The following NINL variants were observed in gnomAD, a reference collection of about 807,000 sequenced individuals.
NINL encodes the protein ninein-like protein.
In NINL, 153 loss-of-function variants were observed where a neutral mutation model predicts 160.3. The ratio of observed to expected loss-of-function variants is 0.95; its 90% CI spans 0.84 to 1.09. The LOEUF (loss-of-function observed/expected upper bound fraction) is 1.09, where lower values mean the gene tolerates loss of function less well. Among genes scored for constraint, NINL ranks in the 50% least tolerant of loss-of-function variants. NINL has a pLI of 0.00. For synonymous variants in NINL, 800 were observed against 734.8 expected (o/e 1.09, Z -1.43); for missense variants, 1,829 against 1,764.0 (o/e 1.04, Z -0.66).
rs1474534154 is a variant in NINL, at chr20:25,570,700, T to A, written c.-12+14755A>T. ...GAGATCCTGGGCAAGTAGACTTTTT[T>A]TTTTTTTTTTTTTTTTTTGAGAAGG... On this transcript the variant is annotated intron_variant, in intron 1 of 23. Coordinates refer to ENST00000278886, the MANE Select transcript of NINL (RefSeq NM_025176.6). Among the ~76,000 whole-genome samples, 5 of 115,506 alleles carry A rather than the reference T, an allele frequency of 4.3e-5. 1 individual carries two copies. The highest frequency in any genetic ancestry group is 1.7e-4 in the African/African-American group (4 of 24,004). 75.8% of individuals were successfully genotyped at this position (115,506 alleles called of 152,430 possible). A position where few individuals can be genotyped will look rare whatever the true frequency, so the allele number is the denominator to read the frequency against.
At chr20:25,541,429 G>T (rs1401883988) in intron 1 of NINL, among the ~76,000 whole-genome samples, 1 of 152,132 alleles carries the variant, frequency 6.6e-6, no homozygotes, top group African/African-American at 2.4e-5. Context: ...CTACAAGCTG[G>T]GTGGGCATTT....
intron 4 of NINL, among the ~76,000 whole-genome samples, chr20:25,512,269 C>A (rs1393224933): frequency 1.3e-5 from 2 of 152,204 alleles, no homozygotes; most frequent in Non-Finnish European, 2.9e-5. Flanking sequence ...GGAGTTGACA[C>A]ACTCACACTC....
intron 1 of NINL, among the ~76,000 whole-genome samples, chr20:25,530,126 C>T (rs2064431209): frequency 6.6e-6 from 1 of 152,124 alleles, no homozygotes; most frequent in Admixed American, 6.5e-5. Context: ...AAATAAAGAA[C>T]ATAAAATAAG....
rs559939857 is a variant in NINL at position 25,464,153 on chromosome 20, A to G, written c.3424-1612T>C. On this transcript the variant is annotated intron_variant, in intron 19 of 23. Coordinates refer to ENST00000278886, the MANE Select transcript of NINL (RefSeq NM_025176.6). ...ATTTGGTGGCTGGGCGTGGTGGCTC[A>G]TGCCTGTAATACCAGTGCTTTGGGA... Among the ~76,000 whole-genome samples, 265 of 152,328 alleles carry G rather than the reference A, an allele frequency of 1.7e-3. 1 individual carries two copies. Among genetic ancestry groups the G allele is most frequent in the Non-Finnish European group, 3.2e-3 (215 of 68,038 alleles).
chr20:25,454,011 C>T (rs2090604836), intron 23 of NINL, among the ~76,000 whole-genome samples: 3 of 151,968 alleles, frequency 2.0e-5, no homozygotes, highest in Non-Finnish European at 4.4e-5. Context: ...GAGATCGCAC[C>T]ACTGCACTCC....
intron 15 of NINL, 54 bp from the exon 16 acceptor site, chr20:25,479,260 C>A: frequency 6.5e-7 from 1 of 1,540,006 alleles, no homozygotes; most frequent in Non-Finnish European, 8.8e-7. Flanking sequence ...AATGATCTTG[C>A]TGCTGACGTA....
At chr20:25,515,064 G>T (rs1293526597) in intron 3 of NINL, among the ~76,000 whole-genome samples, 2 of 152,162 alleles carry the variant, frequency 1.3e-5, no homozygotes, top group Admixed American at 6.5e-5. Flanking sequence ...TGAGAAAAGG[G>T]TCACTGTCCT....
At chr20:25,549,656 T>C (rs2064783278) in intron 1 of NINL, among the ~76,000 whole-genome samples, 1 of 152,180 alleles carries the variant, frequency 6.6e-6, no homozygotes, top group African/African-American at 2.4e-5. Context: ...ACTAAATCAA[T>C]GTCGTGGCCT....
chr20:25,473,378 G>A (rs1031664100), intron 17 of NINL, among the ~76,000 whole-genome samples: 5 of 151,672 alleles, frequency 3.3e-5, no homozygotes, highest in African/African-American at 1.2e-4. Context: ...CACTTTGGGA[G>A]GCTGAGGCAG....
intron 10 of NINL, 119 bp downstream of exon 10, chr20:25,496,544 G>A (rs1360166885): frequency 2.3e-5 from 28 of 1,207,274 alleles, no homozygotes; most frequent in Non-Finnish European, 3.2e-5. Context: ...GTGAAATAGG[G>A]GGGTCTCCAC....
At chr20:25,538,011 G>T (rs1346760185) in intron 1 of NINL, among the ~76,000 whole-genome samples, 1 of 152,162 alleles carries the variant, frequency 6.6e-6, no homozygotes, top group Non-Finnish European at 1.5e-5. Context: ...ACGGTGCCCT[G>T]CCCAGGCTGG....
In NINL at chr20:25,461,635, T is replaced by C; in HGVS notation, c.3583A>G (p.Ser1195Gly). ...ACTCTAAGTTTTTGGATTTGGTCAC[T>C]CTGTTTTTAAAAAATCAATTGCACA... Reference protein sequence around the residue: ...EEVVRSGQQQSDQIQKLRVEL... With the variant: ...EEVVRSGQQQGDQIQKLRVEL... The change falls in exon 21 of 24, where the codon AGT becomes GGT. Residue 1195 changes from serine (S) to glycine (G), a missense_variant and splice_region_variant. By Grantham distance (56) the Ser-to-Gly change is moderately conservative (BLOSUM62 0). Transcript: ENST00000278886. 1 of 1,602,286 alleles carries C rather than the reference T, an allele frequency of 6.2e-7. No homozygotes were observed. The highest frequency in any genetic ancestry group is 8.5e-7 in the Non-Finnish European group (1 of 1,169,994).
chr20:25,577,924 G>A (rs993340606), intron 1 of NINL, among the ~76,000 whole-genome samples: 12 of 149,796 alleles, frequency 8.0e-5, no homozygotes, highest in African/African-American at 2.7e-4. Flanking sequence ...TCTCCACCTC[G>A]CAGGTTCAAG....
intron 19 of NINL, among the ~76,000 whole-genome samples, chr20:25,464,464 T>C (rs60375291): frequency 1.3e-5 from 2 of 152,184 alleles, no homozygotes; most frequent in African/African-American, 4.8e-5. Flanking sequence ...AACTCTTCAT[T>C]TGGAAATAAT....
intron 3 of NINL, among the ~76,000 whole-genome samples, chr20:25,517,047 C>T (rs1313689230): frequency 3.3e-5 from 5 of 152,028 alleles, no homozygotes; most frequent in African/African-American, 9.7e-5. Context: ...TCTTTGTAAA[C>T]GTACACAAAG....
intron 5 of NINL, among the ~76,000 whole-genome samples, chr20:25,506,282 C>T (rs2063961140): frequency 6.6e-6 from 1 of 152,092 alleles, no homozygotes. Context: ...AGGGTGAGGG[C>T]TCTATTATTT....
chr20:25,503,759 A>T (rs1376428763), intron 7 of NINL, among the ~76,000 whole-genome samples, 193 bp downstream of exon 7: 1 of 152,174 alleles, frequency 6.6e-6, no homozygotes, highest in Admixed American at 6.5e-5. Context: ...GCAACACTGG[A>T]CCCACCCCAA....
chr20:25,551,631 G>A (rs1218631829), intron 1 of NINL, among the ~76,000 whole-genome samples: 1 of 152,082 alleles, frequency 6.6e-6, no homozygotes, highest in Non-Finnish European at 1.5e-5. Flanking sequence ...CAGGCAGGAG[G>A]GAAACAAGGG....
rs1486630257 is a variant in NINL, at chr20:25,512,859, C to A, written c.425G>T (p.Arg142Leu). Residue 142 changes from arginine to leucine, a missense_variant, in exon 4 of 24, where the codon CGC (arginine) becomes CTC (leucine). Transcript: ENST00000278886. ...CTCCACGCTCTCCAGAGACGCTGAG[C>A]GCCAGAGGTGACTTTTCAGGCTGGC... is the stretch of plus-strand genomic sequence containing the variant. ...TQASLKSHLWRSASLESVESP... is the reference protein window; with the variant it reads ...TQASLKSHLWLSASLESVESP... 3 of 1,613,704 alleles carry A rather than the reference C, an allele frequency of 1.9e-6. No homozygotes were observed. In the African/African-American group the frequency reaches 4.0e-5, roughly 22 times the overall value.
Sources: gnomAD v4.1 joint callset for allele counts (sites outside exome capture counted in the v4.1 genomes callset) on GRCh38, gnomAD v4.1.1 for gene constraint, MANE v1.5 for transcripts, NCBI Gene and HGNC (gene_info 2026-07-23, HGNC 2026-07-21) for gene names.